The following PRPSAP2 variants were observed in gnomAD, a reference collection of about 807,000 sequenced individuals.
PRPSAP2 encodes the protein phosphoribosyl pyrophosphate synthetase associated protein 2.
PRPSAP2 carries 24 observed loss-of-function variants against 40.6 expected under a neutral mutation model. That is an observed-to-expected ratio of 0.59 (90% CI 0.43 to 0.83). The LOEUF (loss-of-function observed/expected upper bound fraction) is 0.83. PRPSAP2 is among the 40% of genes least tolerant of loss of function. The probability of loss-of-function intolerance (pLI) is 0.00; values close to 1 mark genes in which losing one functional copy is unlikely to be tolerated. For synonymous variants in PRPSAP2, 149 were observed against 164.7 expected (o/e 0.90, Z 0.73); for missense variants, 292 against 465.6 (o/e 0.63, Z 3.43).
rs1235322000 is a variant in PRPSAP2, at chr17:18,911,520, A to G, written c.733+269A>G. Among the ~76,000 whole-genome samples, 1 of 152,212 alleles carries G rather than the reference A, an allele frequency of 6.6e-6. No homozygotes were observed. Among genetic ancestry groups the G allele is most frequent in the Non-Finnish European group, 1.5e-5 (1 of 68,038 alleles). Reference sequence around the variant, plus strand: ...ATGCTTCAGGGAAGTCCATTCATTCATTCAGCAGTATATACTAGAGTGTAG... The same window carrying G: ...ATGCTTCAGGGAAGTCCATTCATTCGTTCAGCAGTATATACTAGAGTGTAG... On this transcript the variant is annotated intron_variant, in intron 9 of 11. Transcript: ENST00000268835. This position sits in a 1 kb window ranked among gnomAD's most constrained non-coding sequence, Gnocchi z 4.5.
At chr17:18,889,898 C>T (rs200452259) in intron 8 of PRPSAP2, 21 bp downstream of exon 8, 4 of 1,604,662 alleles carry the variant, frequency 2.5e-6, no homozygotes, top group East Asian at 2.2e-5. Context: ...ATCTCACAAC[C>T]TCTTTCTGGA....
At chr17:18,922,830 C>T (rs899385904) in intron 9 of PRPSAP2, among the ~76,000 whole-genome samples, 3 of 150,692 alleles carry the variant, frequency 2.0e-5, no homozygotes, top group South Asian at 2.1e-4. Context: ...TGCACCACCA[C>T]GCCCTGCTAA....
chr17:18,857,196 G>A (rs1454935184), upstream of PRPSAP2, among the ~76,000 whole-genome samples: 3 of 151,758 alleles, frequency 2.0e-5, no homozygotes, highest in African/African-American at 7.3e-5. Flanking sequence ...TTAGTCGGGC[G>A]TGGTGGCGCA....
chr17:18,894,544 A>G (rs1284099187), intron 8 of PRPSAP2, among the ~76,000 whole-genome samples: 1 of 147,074 alleles, frequency 6.8e-6, no homozygotes, highest in African/African-American at 2.5e-5. Context: ...CAGTGGTGCA[A>G]TCTTGGCTCA....
intron 10 of PRPSAP2, among the ~76,000 whole-genome samples, chr17:18,924,768 CAAA>C (rs869181375): frequency 3.9e-4 from 33 of 84,712 alleles, no homozygotes; most frequent in Middle Eastern, 6.4e-3. Context: ...GGCTGTGTCT[CAAA>C]AAAAAAAAAA....
At chr17:18,869,266 T>TTGATG (rs2037661440) in intron 4 of PRPSAP2, among the ~76,000 whole-genome samples, 1 of 152,166 alleles carries the variant, frequency 6.6e-6, no homozygotes, top group Non-Finnish European at 1.5e-5. Context: ...AGTTCAGGGA[T>TTGATG]TGATGTTAGG....
intron 1 of PRPSAP2, among the ~76,000 whole-genome samples, chr17:18,862,791 T>TTTTATTTATTTA (rs199576423): frequency 7.0e-4 from 105 of 149,322 alleles, no homozygotes; most frequent in African/African-American, 2.1e-3. Flanking sequence ...TGTAACACCC[T>TTTTATTTATTTA]TTTATTTATT....
chr17:18,892,921 T>C (rs1190034242), intron 8 of PRPSAP2, among the ~76,000 whole-genome samples: 1 of 151,384 alleles, frequency 6.6e-6, no homozygotes, highest in African/African-American at 2.4e-5. Context: ...TTTTATGTGC[T>C]TTTTGGCCAT....
intron 8 of PRPSAP2, among the ~76,000 whole-genome samples, chr17:18,903,412 G>A (rs1280706387): frequency 6.8e-6 from 1 of 148,126 alleles, no homozygotes; most frequent in Non-Finnish European, 1.5e-5. Flanking sequence ...CACAGTCAAG[G>A]CTTAGGAGTT....
At position 18,928,795 on chromosome 17, in the gene PRPSAP2, A is replaced by T. The variant is rs1428157052; in HGVS notation, c.805-16A>T. ...GAAGTGCTCATATACATTCTTTTCC[A>T]TCTGTGCTTTGGCAGGATGACATCA... On this transcript the variant is annotated splice_polypyrimidine_tract_variant and intron_variant, in intron 10 of 11. Transcript: ENST00000268835. 6.2e-7 allele frequency: 1 copy of T among 1,613,116 alleles called. No individual in the cohort carries two copies. Among genetic ancestry groups the T allele is most frequent in the Non-Finnish European group, 8.5e-7 (1 of 1,179,510 alleles).
intron 4 of PRPSAP2, 94 bp from the exon 5 acceptor site, chr17:18,872,489 C>A: frequency 1.1e-6 from 1 of 940,210 alleles, no homozygotes; most frequent in Non-Finnish European, 1.7e-6. Context: ...TTGCCATATT[C>A]TATTACATTA....
intron 8 of PRPSAP2, among the ~76,000 whole-genome samples, chr17:18,896,506 G>A (rs2039911019): frequency 6.6e-6 from 1 of 151,936 alleles, no homozygotes; most frequent in South Asian, 2.1e-4. Context: ...GTCCTTCCTG[G>A]GTAAGCGCAT....
intron 9 of PRPSAP2, among the ~76,000 whole-genome samples, chr17:18,915,842 C>T (rs898881747): frequency 1.3e-5 from 2 of 150,182 alleles, no homozygotes; most frequent in Non-Finnish European, 3.0e-5. Context: ...TTTTTTGAGA[C>T]GGAGTCTTGC....
At chr17:18,893,592 G>GAA (rs59015171) in intron 8 of PRPSAP2, among the ~76,000 whole-genome samples, 10,929 of 147,958 alleles carry the variant, frequency 0.074, 427 homozygotes, top group Admixed American at 0.099. Context: ...TCGTTTTTAA[G>GAA]AAAAAAAAAA....
chr17:18,873,068 C>T (rs1263206497), intron 5 of PRPSAP2, among the ~76,000 whole-genome samples: 1 of 151,618 alleles, frequency 6.6e-6, no homozygotes, highest in Admixed American at 6.6e-5. Flanking sequence ...TCTTGAACTC[C>T]TGACCTCACG....
At chr17:18,867,934 G>A (rs2037547386) in intron 4 of PRPSAP2, among the ~76,000 whole-genome samples, 1 of 151,802 alleles carries the variant, frequency 6.6e-6, no homozygotes, top group Non-Finnish European at 1.5e-5. Flanking sequence ...CTCAGGAGTT[G>A]AGACCAGCCT....
At chr17:18,869,991 G>A (rs2037742787) in intron 4 of PRPSAP2, among the ~76,000 whole-genome samples, 1 of 151,890 alleles carries the variant, frequency 6.6e-6, no homozygotes, top group Non-Finnish European at 1.5e-5. Flanking sequence ...GGGCTTACAG[G>A]TGTGTGCCAG....
chr17:18,879,429 C>T (rs1283119806), intron 6 of PRPSAP2, among the ~76,000 whole-genome samples: 4 of 151,938 alleles, frequency 2.6e-5, no homozygotes, highest in Non-Finnish European at 1.5e-5. Context: ...GGATTGCAGG[C>T]ACACACCAAC....
chr17:18,898,724 G>T (rs2040073940), intron 8 of PRPSAP2, among the ~76,000 whole-genome samples: 1 of 152,128 alleles, frequency 6.6e-6, no homozygotes, highest in Non-Finnish European at 1.5e-5. Flanking sequence ...TCTTGAGATT[G>T]CTTTGGGTTT....
Sources: gnomAD v4.1 joint callset for allele counts (sites outside exome capture counted in the v4.1 genomes callset) on GRCh38, gnomAD v4.1.1 for gene constraint, Gnocchi (gnomAD v3.1) non-coding constraint, MANE v1.5 for transcripts, NCBI Gene and HGNC (gene_info 2026-07-23, HGNC 2026-07-21) for gene names.